Variants in RIOK2 observed in about 807,000 individuals in gnomAD.
The protein encoded by RIOK2 is serine/threonine-protein kinase RIO2.
RIOK2 carries 46 observed loss-of-function variants against 62.4 expected under a neutral mutation model. The ratio of observed to expected loss-of-function variants is 0.74; its 90% CI spans 0.58 to 0.94. The LOEUF (loss-of-function observed/expected upper bound fraction) is 0.94. Ranked by LOEUF, RIOK2 falls within the 40% of genes least tolerant of loss-of-function variation. The probability of loss-of-function intolerance (pLI) is 0.00; values close to 1 mark genes in which losing one functional copy is unlikely to be tolerated. For missense variants in RIOK2, 574 were observed against 658.0 expected, an observed-to-expected ratio of 0.87 and a Z score of 1.40; for synonymous variants, 197 against 216.0, an observed-to-expected ratio of 0.91 and a Z score of 0.77.
intron 1 of RIOK2, among the ~76,000 whole-genome samples, chr5:97,182,417 C>T (rs1749438384): frequency 6.6e-6 from 1 of 152,224 alleles, no homozygotes; most frequent in South Asian, 2.1e-4. Context: ...GCCTCCAACT[C>T]TTTCCAAGGA....
rs775979028 is a variant in RIOK2 at position 97,168,830 on chromosome 5, A to C, written c.802T>G (p.Cys268Gly). 5 of 1,595,476 alleles carry C rather than the reference A, an allele frequency of 3.1e-6. No homozygotes were observed. In the African/African-American group the frequency reaches 5.4e-5, roughly 17 times the overall value. ...CGTTTCATAAAGAAATCTTTAATGC[A>C]TTTAACATCTCTGTCAAAATACCTG... The part of the protein sequence containing the change: ...AEWYFDRDVK[C>G]IKDFFMKRFS... The change falls in exon 7 of 10, where the codon TGC becomes GGC. Residue 268 changes from cysteine (C) to glycine (G), a missense_variant. Transcript: ENST00000283109.
Position 97,162,396 on chromosome 5 carries a change from C to T in RIOK2, c.*665G>A, listed in dbSNP as rs1037274051. On this transcript the variant is annotated 3_prime_UTR_variant, in exon 10 of 10. Transcript: ENST00000283109. ...AAAGAACATTTCATTCCTCATTCTA[C>T]TCCACCTTCCCCAACCCCTAACTCT... 5 of 152,330 alleles carry T rather than the reference C, an allele frequency of 3.3e-5. No homozygotes were observed. Among genetic ancestry groups the T allele is most frequent in the African/African-American group, 1.2e-4 (5 of 41,438 alleles). The allele number at this position is 152,330 out of a possible 1,614,324, so 9.4% of individuals were successfully genotyped here.
At position 97,167,534 on chromosome 5, in the gene RIOK2, C is replaced by T. The variant is rs554417418; in HGVS notation, c.1330G>A (p.Glu444Lys). ...AGATGAGGGCATTCATCTTCATACT[C>T]GTCAGAGCCAGCAGGGACTCCTCCT... is the stretch of plus-strand genomic sequence containing the variant. ...VQGGVPAGSDEYEDECPHLIA... is the reference protein window; with the variant it reads ...VQGGVPAGSDKYEDECPHLIA... Residue 444 changes from glutamate to lysine, a missense_variant, in exon 8 of 10, where the codon GAG (glutamate) becomes AAG (lysine). Transcript: ENST00000283109. The T allele has an allele frequency of 5.0e-6, 8 of 1,614,198 alleles. No homozygotes were observed. The Admixed American group carries it at 8.3e-5, about 17-fold the overall frequency.
At position 97,165,051 on chromosome 5, in the gene RIOK2, T is replaced by C. The variant is rs760609470; in HGVS notation, c.1494A>G (p.Pro498=). The C allele has an allele frequency of 1.3e-6, 2 of 1,588,778 alleles. No homozygotes were observed. The highest frequency in any genetic ancestry group is 1.7e-4 in the Middle Eastern group (1 of 5,992). The part of the protein sequence containing the change: ...GSAVSCSTIP[P]ELVKQKVKRQ... Reference sequence around the variant, plus strand: ...CAGTACATGTTGAATGACTACTTACTGGAGGAATTGTTGAACAGCTTACAG... The same window carrying C: ...CAGTACATGTTGAATGACTACTTACCGGAGGAATTGTTGAACAGCTTACAG... Residue 498 remains proline, a splice_region_variant and synonymous_variant, in exon 9 of 10, where the codon CCA becomes CCG. Coordinates refer to ENST00000283109, the MANE Select transcript of RIOK2 (RefSeq NM_018343.3).
chr5:97,183,209 C>G lies in RIOK2; in HGVS notation c.-18G>C. On this transcript the variant is annotated 5_prime_UTR_variant, in exon 1 of 10. Transcript: ENST00000283109. ...TTCCCCATGGCGGCCCCAGTCCGAA[C>G]CCAGATGCCTCTCCGACGACAGCCG... 1 of 1,614,014 alleles carries G rather than the reference C, an allele frequency of 6.2e-7. No individual in the cohort carries two copies. Among genetic ancestry groups the G allele is most frequent in the South Asian group, 1.1e-5 (1 of 91,074 alleles).
Position 97,165,065 on chromosome 5 carries a change from A to G in RIOK2, c.1480T>C (p.Ser494Pro). ...TGACTACTTACTGGAGGAATTGTTG[A>G]ACAGCTTACAGCACTGCCTGAAGAA... ...ITSSGSAVSC[S>P]TIPPELVKQK... The change falls in exon 9 of 10, where the codon TCA (serine) becomes CCA (proline). Residue 494 changes from serine (S) to proline (P), a missense_variant. Physicochemically the swap from Ser to Pro is moderately conservative, Grantham distance 74 (BLOSUM62 -1). Coordinates refer to ENST00000283109, the MANE Select transcript of RIOK2 (RefSeq NM_018343.3). The G allele has an allele frequency of 6.3e-7, 1 of 1,597,726 alleles. No individual in the cohort carries two copies.
chr5:97,182,061 T>C (rs1477945261), intron 1 of RIOK2, among the ~76,000 whole-genome samples: 1 of 152,212 alleles, frequency 6.6e-6, no homozygotes, highest in African/African-American at 2.4e-5. Flanking sequence ...ATTACATAAT[T>C]ACACAATATA....
chr5:97,169,211 G>A (rs1250885854), intron 6 of RIOK2, among the ~76,000 whole-genome samples: 2 of 152,104 alleles, frequency 1.3e-5, no homozygotes, highest in African/African-American at 2.4e-5. Flanking sequence ...TATTCTGTTC[G>A]TCCTGAGTCT....
At chr5:97,167,065 G>C in intron 8 of RIOK2, 1 of 456,484 alleles carries the variant, frequency 2.2e-6, no homozygotes, top group Non-Finnish European at 2.9e-6. Flanking sequence ...TACAAGCACA[G>C]GCCACCATGC....
At chr5:97,170,799 T>C (rs1316238836) in intron 6 of RIOK2, among the ~76,000 whole-genome samples, 1 of 152,022 alleles carries the variant, frequency 6.6e-6, no homozygotes, top group Non-Finnish European at 1.5e-5. Context: ...TATCACAAAA[T>C]TGAAAAATTA....
Position 97,167,844 on chromosome 5 carries a change from T to G in RIOK2, c.1020A>C (p.Glu340Asp). The change falls in exon 8 of 10, where the codon GAA (glutamate) becomes GAC (aspartate). Residue 340 changes from glutamate (E) to aspartate (D), a missense_variant. Coordinates refer to ENST00000283109, the MANE Select transcript of RIOK2 (RefSeq NM_018343.3). ...CGTAAACCTCTGCTTTTTCTGCCACTTCTCCATCTGAAAATGAGAATTCAG... is the reference window on the plus strand; with the variant it reads ...CGTAAACCTCTGCTTTTTCTGCCACGTCTCCATCTGAAAATGAGAATTCAG... ...EGSEFSFSDG[E>D]VAEKAEVYGS... 6.2e-7 allele frequency: 1 copy of G among 1,614,124 alleles called. No individual in the cohort carries two copies. The highest frequency in any genetic ancestry group is 8.5e-7 in the Non-Finnish European group (1 of 1,180,006).
At position 97,161,162 on chromosome 5, in the gene RIOK2, C is replaced by T. The variant is rs1169579151; in HGVS notation, c.*1899G>A. On this transcript the variant is annotated 3_prime_UTR_variant, in exon 10 of 10. Coordinates refer to ENST00000283109, the MANE Select transcript of RIOK2 (RefSeq NM_018343.3). ...TATACTATTAAATGTCCCCATTTTA[C>T]AAGTAAAAAAATTGAGGTTAGAGAG... 1 of 151,972 alleles carries T rather than the reference C, an allele frequency of 6.6e-6. No individual in the cohort carries two copies. The highest frequency in any genetic ancestry group is 1.5e-5 in the Non-Finnish European group (1 of 67,996). The allele number at this position is 151,972 out of a possible 1,614,324, so 9.4% of individuals were successfully genotyped here. A position where few individuals can be genotyped will look rare whatever the true frequency, so the allele number is the denominator to read the frequency against.
rs376891047 is a variant in RIOK2 at position 97,167,497 on chromosome 5, G to A, written c.1367C>T (p.Ser456Leu). The A allele has an allele frequency of 8.7e-6, 14 of 1,613,996 alleles. No homozygotes were observed. The highest frequency in any genetic ancestry group is 6.7e-5 in the East Asian group (3 of 44,884). Residue 456 changes from serine (S) to leucine (L), a missense_variant, in exon 8 of 10, where the codon TCG becomes TTG. Coordinates refer to ENST00000283109, the MANE Select transcript of RIOK2 (RefSeq NM_018343.3). ...AGGCCTGAATTCTCTATTTAATGAC[G>A]ACAAGGCAATTAGATGAGGGCATTC... is the stretch of plus-strand genomic sequence containing the variant. Reference protein sequence around the residue: ...EDECPHLIALSSLNREFRPFR... With the variant: ...EDECPHLIALLSLNREFRPFR...
In RIOK2 at chr5:97,162,955, TTATTAATATATGA is replaced by T; in HGVS notation, c.*93_*105del. The T allele has an allele frequency of 1.1e-6, 1 of 915,780 alleles. No homozygotes were observed. The highest frequency in any genetic ancestry group is 1.8e-5 in the South Asian group (1 of 54,830). 56.7% of individuals were successfully genotyped at this position (915,780 alleles called of 1,614,324 possible). A position where few individuals can be genotyped will look rare whatever the true frequency, so the allele number is the denominator to read the frequency against. On this transcript the variant is annotated 3_prime_UTR_variant, in exon 10 of 10. Coordinates refer to ENST00000283109, the MANE Select transcript of RIOK2 (RefSeq NM_018343.3). Reference sequence around the variant, plus strand: ...AATTTATAGATGAAAGAGGGTTTATTTATTAATATATGATAGCCTTGGCTCAAAAAAGACAAAT... The same window carrying T: ...AATTTATAGATGAAAGAGGGTTTATTTAGCCTTGGCTCAAAAAAGACAAAT...
At chr5:97,165,650 C>T (rs764730620) in intron 8 of RIOK2, among the ~76,000 whole-genome samples, 7 of 152,140 alleles carry the variant, frequency 4.6e-5, no homozygotes, top group Non-Finnish European at 7.4e-5. Flanking sequence ...TATAAAAACT[C>T]GGACGATATT....
chr5:97,180,130 A>ATATCTATATGTATG, intron 1 of RIOK2, among the ~76,000 whole-genome samples: 1 of 29,238 alleles, frequency 3.4e-5, no homozygotes, highest in Non-Finnish European at 9.0e-5. Flanking sequence ...GTATATGTAT[A>ATATCTATATGTATG]TATATATATA....
rs1053278266 is a variant in RIOK2 at position 97,173,034 on chromosome 5, T to C, written c.587+141A>G. On this transcript the variant is annotated intron_variant, in intron 5 of 9. Coordinates refer to ENST00000283109, the MANE Select transcript of RIOK2 (RefSeq NM_018343.3). ...TGTCAGAATGAAACTGGGTTTTTAATTTGTCTTTGAGTCTATTCCTTTAAA... is the reference window on the plus strand; with the variant it reads ...TGTCAGAATGAAACTGGGTTTTTAACTTGTCTTTGAGTCTATTCCTTTAAA... 10 of 565,884 alleles carry C rather than the reference T, an allele frequency of 1.8e-5. No homozygotes were observed. The African/African-American group carries it at 1.9e-4, about 11-fold the overall frequency. The allele number at this position is 565,884 out of a possible 1,614,324, so 35.1% of individuals were successfully genotyped here.
In RIOK2 at chr5:97,167,863, A is replaced by G; in HGVS notation, c.1001T>C (p.Phe334Ser). The G allele has an allele frequency of 6.2e-7, 1 of 1,614,004 alleles. No homozygotes were observed. The highest frequency in any genetic ancestry group is 8.5e-7 in the Non-Finnish European group (1 of 1,180,014). The change falls in exon 8 of 10, where the codon TTC becomes TCC. Residue 334 changes from phenylalanine to serine, a missense_variant. Coordinates refer to ENST00000283109, the MANE Select transcript of RIOK2 (RefSeq NM_018343.3). ...TGCCACTTCTCCATCTGAAAATGAG[A>G]ATTCAGATCCCTCTTTTGTTTCAAT... ...KNIETKEGSE[F>S]SFSDGEVAEK...
intron 3 of RIOK2, 100 bp downstream of exon 3, chr5:97,177,632 T>G (rs1031518497): frequency 3.2e-4 from 241 of 756,086 alleles, no homozygotes; most frequent in Non-Finnish European, 8.9e-5. Context: ...AACTTACTGT[T>G]TAGTTAGAAA....
Sources: gnomAD v4.1 joint callset for allele counts (sites outside exome capture counted in the v4.1 genomes callset) on GRCh38, gnomAD v4.1.1 for gene constraint, MANE v1.5 for transcripts, NCBI Gene and HGNC (gene_info 2026-07-23, HGNC 2026-07-21) for gene names.